The following COL25A1 variants were observed in gnomAD, a reference collection of about 807,000 sequenced individuals.
The protein encoded by COL25A1 is collagen type XXV alpha 1 chain.
Under a neutral mutation model 128.4 loss-of-function variants are expected in COL25A1, and 103 were observed. The observed-to-expected ratio is 0.80, with a 90% CI of 0.68 to 0.94. The LOEUF (loss-of-function observed/expected upper bound fraction) is 0.94, where lower values mean the gene tolerates loss of function less well. Among genes scored for constraint, COL25A1 ranks in the 40% least tolerant of loss-of-function variants. The pLI is 0.00. For synonymous variants in COL25A1, 279 were observed against 277.2 expected, an observed-to-expected ratio of 1.01 and a Z score of -0.06; for missense variants, 745 against 840.0, an observed-to-expected ratio of 0.89 and a Z score of 1.40.
At chr4:109,280,236 C>A (rs377233031) in intron 3 of COL25A1, among the ~76,000 whole-genome samples, 1 of 152,282 alleles carries the variant, frequency 6.6e-6, no homozygotes, top group East Asian at 1.9e-4. Flanking sequence ...ACAAAAAACA[C>A]CTCAAATACC....
intron 3 of COL25A1, among the ~76,000 whole-genome samples, chr4:109,198,171 C>A (rs1405357633): frequency 6.6e-6 from 1 of 151,972 alleles, no homozygotes; most frequent in Admixed American, 6.6e-5. Flanking sequence ...TTCCTTCTTT[C>A]GTGGACTTGT....
At chr4:109,157,086 C>A (rs540542481) in intron 3 of COL25A1, among the ~76,000 whole-genome samples, 1 of 152,320 alleles carries the variant, frequency 6.6e-6, no homozygotes, top group Non-Finnish European at 1.5e-5. Context: ...AACTGACAGT[C>A]AGTTGCCTTC....
chr4:109,285,185 T>C (rs1009382144), intron 3 of COL25A1, among the ~76,000 whole-genome samples: 2 of 152,198 alleles, frequency 1.3e-5, no homozygotes, highest in African/African-American at 4.8e-5. Context: ...ATAGGAAATA[T>C]AATAGGTCAT....
chr4:109,115,924 C>T (rs1767508380), intron 3 of COL25A1, among the ~76,000 whole-genome samples: 1 of 152,012 alleles, frequency 6.6e-6, no homozygotes, highest in Non-Finnish European at 1.5e-5. Context: ...CCCTAGGTTA[C>T]ATACATAACA....
intron 3 of COL25A1, among the ~76,000 whole-genome samples, chr4:109,244,288 C>T (rs924685664): frequency 1.3e-5 from 2 of 151,862 alleles, no homozygotes; most frequent in Non-Finnish European, 2.9e-5. Context: ...TTTCCACTTT[C>T]CAATATTTTA....
At chr4:109,232,262 T>C (rs768227066) in intron 3 of COL25A1, among the ~76,000 whole-genome samples, 8 of 152,196 alleles carry the variant, frequency 5.3e-5, no homozygotes, top group Non-Finnish European at 1.2e-4. Flanking sequence ...CACAATATAC[T>C]TAGAATTCAT....
intron 3 of COL25A1, among the ~76,000 whole-genome samples, chr4:109,070,738 A>G (rs1401429369): frequency 7.8e-6 from 1 of 127,992 alleles, no homozygotes; most frequent in Non-Finnish European, 1.5e-5. Flanking sequence ...TCCTATGTCC[A>G]AGTGTTCTCA....
Position 109,124,896 on chromosome 4 carries a change from A to T in COL25A1, c.368-74717T>A, listed in dbSNP as rs1039569866. Among the ~76,000 whole-genome samples, 14 of 152,222 alleles carry T rather than the reference A, an allele frequency of 9.2e-5. 1 individual carries two copies. The East Asian group carries it at 1.2e-3, about 13-fold the overall frequency. On this transcript the variant is annotated intron_variant, in intron 3 of 37. Coordinates refer to ENST00000399132, the MANE Select transcript of COL25A1 (RefSeq NM_198721.4). ...TATCTCCCCCTTAACTTAAACTAGG[A>T]ATTTGTCAATGAATATATTTAACTG...
At chr4:109,153,248 G>T (rs768974931) in intron 3 of COL25A1, among the ~76,000 whole-genome samples, 7 of 151,508 alleles carry the variant, frequency 4.6e-5, no homozygotes, top group Non-Finnish European at 1.0e-4. Context: ...AGCTGGGCGT[G>T]GTAGCTCATG....
At chr4:108,820,121 A>C (rs1731632514) in intron 35 of COL25A1, among the ~76,000 whole-genome samples, 1 of 152,222 alleles carries the variant, frequency 6.6e-6, no homozygotes, top group African/African-American at 2.4e-5. Context: ...AGACAGAAGA[A>C]GGAGGCTTAA....
chr4:109,150,510 G>C (rs1267227538), intron 3 of COL25A1, among the ~76,000 whole-genome samples: 1 of 152,138 alleles, frequency 6.6e-6, no homozygotes, highest in Non-Finnish European at 1.5e-5. Context: ...AAAATGTGGT[G>C]CCGAGATGTG....
At chr4:109,059,838 G>C (rs1650520322) in intron 3 of COL25A1, among the ~76,000 whole-genome samples, 2 of 152,098 alleles carry the variant, frequency 1.3e-5, no homozygotes. Context: ...CGCAGTACTT[G>C]GCACATAGTT....
intron 8 of COL25A1, among the ~76,000 whole-genome samples, chr4:108,973,618 A>C (rs1254560794): frequency 6.6e-6 from 1 of 152,224 alleles, no homozygotes; most frequent in Non-Finnish European, 1.5e-5. Context: ...TCAACCAAAT[A>C]CTTGCTTTTG....
At chr4:109,249,519 C>T (rs61105495) in intron 3 of COL25A1, among the ~76,000 whole-genome samples, 29 of 152,124 alleles carry the variant, frequency 1.9e-4, no homozygotes, top group Admixed American at 5.2e-4. Flanking sequence ...TAAACAACAA[C>T]AATGTTTTTA....
chr4:109,158,329 CT>C (rs1303216347), intron 3 of COL25A1, among the ~76,000 whole-genome samples: 1 of 151,296 alleles, frequency 6.6e-6, no homozygotes, highest in Non-Finnish European at 1.5e-5. Context: ...AAAAAAAAGA[CT>C]AAACATTTTC....
chr4:108,855,535 T>A (rs947470892), intron 24 of COL25A1, among the ~76,000 whole-genome samples: 2 of 152,142 alleles, frequency 1.3e-5, no homozygotes, highest in East Asian at 3.8e-4. Context: ...AAAGGGATTT[T>A]CAAATTTGAG....
intron 8 of COL25A1, among the ~76,000 whole-genome samples, chr4:108,942,986 C>A (rs2125931534): frequency 6.6e-6 from 1 of 152,086 alleles, no homozygotes. Flanking sequence ...AAACTCCTGA[C>A]CTCAAGGGAT....
At chr4:109,208,026 T>C (rs1777149556) in intron 3 of COL25A1, among the ~76,000 whole-genome samples, 1 of 152,216 alleles carries the variant, frequency 6.6e-6, no homozygotes. Context: ...TAAACTAGGT[T>C]GTCCTGCAGC....
In COL25A1 at chr4:108,814,564, C is replaced by T. The variant is rs144756956; in HGVS notation, c.1963-635G>A. 4.4e-3 allele frequency among the ~76,000 whole-genome samples: 665 copies of T among 152,088 alleles called. 2 individuals are homozygous for T. Among genetic ancestry groups the T allele is most frequent in the African/African-American group, 0.015 (629 of 41,376 alleles). ...TTCTCACCAGATTTCTGGTTTCTCA[C>T]CACAGATTTCTGCTTTCTCATCTCT... On this transcript the variant is annotated intron_variant, in intron 37 of 37. Transcript: ENST00000399132.
Sources: gnomAD v4.1 joint callset for allele counts (sites outside exome capture counted in the v4.1 genomes callset) on GRCh38, gnomAD v4.1.1 for gene constraint, MANE v1.5 for transcripts, NCBI Gene and HGNC (gene_info 2026-07-23, HGNC 2026-07-21) for gene names.